ANKRD30BL: variants seen among roughly 807,000 people sequenced by gnomAD.
The protein encoded by ANKRD30BL is ankyrin repeat domain 30B like.
A neutral mutation model predicts 18.4 loss-of-function variants in ANKRD30BL; 20 were observed. The observed-to-expected ratio is 1.09, with a 90% confidence interval of 0.77 to 1.58. The LOEUF (loss-of-function observed/expected upper bound fraction) is 1.58. Among genes scored for constraint, ANKRD30BL ranks in the 40% most tolerant of loss-of-function variants. The pLI is 0.00. For synonymous variants in ANKRD30BL, 72 were observed against 100.9 expected, an observed-to-expected ratio of 0.71 and a Z score of 1.72; for missense variants, 224 against 268.6, an observed-to-expected ratio of 0.83 and a Z score of 1.16.
At chr2:132,230,168 C>A (rs1679968682) in intron 1 of ANKRD30BL, among the ~76,000 whole-genome samples, 2 of 152,090 alleles carry the variant, frequency 1.3e-5, no homozygotes, top group South Asian at 2.1e-4. Flanking sequence ...TTCTCAGAAA[C>A]TTCTTTGTGA....
intron 1 of ANKRD30BL, among the ~76,000 whole-genome samples, chr2:132,232,275 C>T (rs550845048): frequency 1.3e-5 from 2 of 152,298 alleles, no homozygotes; most frequent in South Asian, 2.1e-4. Flanking sequence ...AAATGCAGAA[C>T]ACGTCTCCTC....
intron 1 of ANKRD30BL, among the ~76,000 whole-genome samples, chr2:132,193,671 T>C (rs1459088500): frequency 3.3e-5 from 5 of 152,128 alleles, no homozygotes; most frequent in Admixed American, 6.6e-5. Context: ...AAAGGAGACA[T>C]TCTGAATGCA....
chr2:132,176,256 A>G (rs1376216539), intron 1 of ANKRD30BL, among the ~76,000 whole-genome samples: 1 of 151,754 alleles, frequency 6.6e-6, no homozygotes, highest in Non-Finnish European at 1.5e-5. Flanking sequence ...CAGGCTGGGC[A>G]CGGTGGTTCA....
intron 1 of ANKRD30BL, among the ~76,000 whole-genome samples, chr2:132,211,867 A>G (rs1422423886): frequency 1.3e-5 from 2 of 152,006 alleles, no homozygotes; most frequent in African/African-American, 2.4e-5. Flanking sequence ...GCAAGTGGAC[A>G]TTTAGTGCGC....
intron 1 of ANKRD30BL, among the ~76,000 whole-genome samples, chr2:132,188,994 G>T (rs894157983): frequency 8.5e-5 from 13 of 152,152 alleles, no homozygotes; most frequent in African/African-American, 2.6e-4. Flanking sequence ...ATTTTCACAG[G>T]CCTCAGGAAA....
At chr2:132,215,883 CAG>C (rs1679484291) in intron 1 of ANKRD30BL, among the ~76,000 whole-genome samples, 1 of 152,020 alleles carries the variant, frequency 6.6e-6, no homozygotes, top group Non-Finnish European at 1.5e-5. Flanking sequence ...AATAACTAGA[CAG>C]AAGCATTCTG....
intron 1 of ANKRD30BL, among the ~76,000 whole-genome samples, chr2:132,209,013 A>G (rs1679266625): frequency 6.6e-6 from 1 of 152,150 alleles, no homozygotes; most frequent in South Asian, 2.1e-4. Context: ...ATATCTTCAC[A>G]TCAAAACCAG....
At chr2:132,252,857 C>T (rs986185737) in intron 1 of ANKRD30BL, among the ~76,000 whole-genome samples, 2 of 152,194 alleles carry the variant, frequency 1.3e-5, no homozygotes, top group Non-Finnish European at 1.5e-5. Context: ...GAACCCAGAC[C>T]GTGATGGTGG....
At chr2:132,216,847 T>A (rs1175246718) in intron 1 of ANKRD30BL, among the ~76,000 whole-genome samples, 2 of 151,994 alleles carry the variant, frequency 1.3e-5, no homozygotes, top group African/African-American at 4.8e-5. Flanking sequence ...AGAGCAGTTT[T>A]GAAACACTCT....
At position 132,197,177 on chromosome 2, in the gene ANKRD30BL, A is replaced by C. The variant is rs1259529482; in HGVS notation, n.442-40031T>G. On this transcript the variant is annotated intron_variant and non_coding_transcript_variant, in intron 1 of 4. Coordinates refer to the ANKRD30BL transcript ENST00000470729. Reference sequence around the variant, plus strand: ...CATGATGCCATAAAATTTCCATTGCAGAGGAAAGACTTGAGGACTCTAATT... The same window carrying C: ...CATGATGCCATAAAATTTCCATTGCCGAGGAAAGACTTGAGGACTCTAATT... 2.6e-5 allele frequency among the ~76,000 whole-genome samples: 4 copies of C among 152,268 alleles called. No individual in the cohort carries two copies. The East Asian group carries it at 7.7e-4, about 29-fold the overall frequency.
intron 1 of ANKRD30BL, among the ~76,000 whole-genome samples, chr2:132,175,343 G>A (rs1239467532): frequency 2.6e-5 from 4 of 152,116 alleles, no homozygotes; most frequent in African/African-American, 7.2e-5. Context: ...GGATGTGCAC[G>A]TAGGCCAGAT....
At chr2:132,190,779 G>A (rs1436285751) in intron 1 of ANKRD30BL, among the ~76,000 whole-genome samples, 3 of 152,110 alleles carry the variant, frequency 2.0e-5, no homozygotes, top group African/African-American at 7.2e-5. Flanking sequence ...ATTATGATAA[G>A]CAGATGCAGA....
chr2:132,169,168 T>C (rs553176072), intron 1 of ANKRD30BL, among the ~76,000 whole-genome samples: 2 of 152,266 alleles, frequency 1.3e-5, no homozygotes, highest in South Asian at 4.1e-4. Context: ...ATTTTTTAGA[T>C]TTCCTAGGTG....
chr2:132,255,756 T>C (rs1680813675), intron 1 of ANKRD30BL, among the ~76,000 whole-genome samples: 1 of 152,156 alleles, frequency 6.6e-6, no homozygotes, highest in Admixed American at 6.5e-5. Flanking sequence ...TTTCTCAGGC[T>C]CCTTCTCCAG....
At chr2:132,242,638 G>T (rs1252299551) in intron 1 of ANKRD30BL, among the ~76,000 whole-genome samples, 2 of 151,396 alleles carry the variant, frequency 1.3e-5, no homozygotes, top group East Asian at 3.9e-4. Context: ...CAGCAGTTTT[G>T]AAACACTCTT....
chr2:132,247,768 T>C (rs1211447007), intron 1 of ANKRD30BL, among the ~76,000 whole-genome samples: 1 of 152,020 alleles, frequency 6.6e-6, no homozygotes, highest in Non-Finnish European at 1.5e-5. Context: ...ATTTCCTTTT[T>C]CACCATAGGC....
chr2:132,170,804 C>T (rs1271516379), intron 1 of ANKRD30BL, among the ~76,000 whole-genome samples: 2 of 152,150 alleles, frequency 1.3e-5, no homozygotes, highest in African/African-American at 4.8e-5. Flanking sequence ...CTTTCTGAAG[C>T]TATATAAATA....
At chr2:132,235,644 A>C (rs201238289) in intron 1 of ANKRD30BL, among the ~76,000 whole-genome samples, 11 of 152,152 alleles carry the variant, frequency 7.2e-5, no homozygotes, top group South Asian at 4.1e-4. Flanking sequence ...ATGTGAAGGA[A>C]CTCTTCAAGG....
chr2:132,179,914 AT>A (rs1688433396), intron 1 of ANKRD30BL, among the ~76,000 whole-genome samples: 2 of 152,194 alleles, frequency 1.3e-5, no homozygotes, highest in Non-Finnish European at 2.9e-5. Context: ...AAGAAATGAT[AT>A]TTTTTGAAGT....
Sources: allele counts gnomAD v4.1 joint callset (sites outside exome capture counted in the v4.1 genomes callset), GRCh38; gene constraint gnomAD v4.1.1; transcripts MANE v1.5; gene names NCBI Gene and HGNC (gene_info 2026-07-23, HGNC 2026-07-21).